The following CDIN1 variants were observed in gnomAD, a reference collection of about 807,000 sequenced individuals.
The protein encoded by CDIN1 is CDAN1 interacting nuclease 1.
A neutral mutation model predicts 45.3 loss-of-function variants in CDIN1; 33 were observed. The observed-to-expected ratio is 0.73, with a 90% CI of 0.55 to 0.97. The LOEUF (loss-of-function observed/expected upper bound fraction) is 0.97. Ranked by LOEUF, CDIN1 falls within the 50% of genes least tolerant of loss-of-function variation. The pLI is 0.00. For synonymous variants in CDIN1, 118 were observed against 124.4 expected, an observed-to-expected ratio of 0.95 and a Z score of 0.34; for missense variants, 303 against 339.4, an observed-to-expected ratio of 0.89 and a Z score of 0.84.
At chr15:36,741,255 A>G (rs2044227695) in intron 10 of CDIN1, among the ~76,000 whole-genome samples, 2 of 152,182 alleles carry the variant, frequency 1.3e-5, no homozygotes, top group African/African-American at 4.8e-5. Flanking sequence ...CAGCAGCATA[A>G]AAAGGAGAGG....
chr15:36,637,610 C>T (rs1468960610), intron 1 of CDIN1, among the ~76,000 whole-genome samples: 1 of 152,130 alleles, frequency 6.6e-6, no homozygotes, highest in Non-Finnish European at 1.5e-5. Flanking sequence ...GAATTCTTCT[C>T]CTGCATTTAT....
chr15:36,664,805 C>A (rs957638367), intron 5 of CDIN1, among the ~76,000 whole-genome samples: 3 of 152,236 alleles, frequency 2.0e-5, no homozygotes, highest in African/African-American at 7.2e-5. Context: ...CTTGGCCTCC[C>A]AAAGTGCTGG....
chr15:36,644,255 T>C (rs1422498044), intron 1 of CDIN1, 23 bp from the exon 2 acceptor site: 4 of 1,612,498 alleles, frequency 2.5e-6, no homozygotes, highest in African/African-American at 2.7e-5. Flanking sequence ...TAATTAACTT[T>C]GTCCTTCTTT....
At chr15:36,616,306 G>C (rs991670991) in intron 1 of CDIN1, among the ~76,000 whole-genome samples, 9 of 149,468 alleles carry the variant, frequency 6.0e-5, no homozygotes, top group Non-Finnish European at 1.3e-4. Context: ...TTTTGAGACA[G>C]ACTTTCGCTC....
At chr15:36,658,494 C>T (rs1472620631) in intron 5 of CDIN1, among the ~76,000 whole-genome samples, 3 of 152,068 alleles carry the variant, frequency 2.0e-5, no homozygotes, top group Non-Finnish European at 4.4e-5. Flanking sequence ...GAGTAATATT[C>T]AATGTGATAT....
chr15:36,776,575 T>C (rs77301180), intron 10 of CDIN1, among the ~76,000 whole-genome samples: 1 of 152,174 alleles, frequency 6.6e-6, no homozygotes, highest in East Asian at 1.9e-4. Context: ...ATAAAATTAT[T>C]CTTCGTGCTA....
intron 10 of CDIN1, among the ~76,000 whole-genome samples, chr15:36,780,921 A>G (rs1044474225): frequency 7.9e-5 from 12 of 152,196 alleles, no homozygotes. Flanking sequence ...TTCAATATTA[A>G]TTATACCTAT....
intron 1 of CDIN1, among the ~76,000 whole-genome samples, chr15:36,637,678 A>G (rs898149125): frequency 6.6e-6 from 1 of 152,220 alleles, no homozygotes; most frequent in African/African-American, 2.4e-5. Context: ...GTGAGTCCAC[A>G]GTAGTAATAT....
chr15:36,723,471 A>G (rs570024280), intron 10 of CDIN1, among the ~76,000 whole-genome samples: 46 of 152,316 alleles, frequency 3.0e-4, no homozygotes, highest in Admixed American at 2.3e-3. Flanking sequence ...ATATAAAGCC[A>G]TATTGAACTC....
intron 4 of CDIN1, among the ~76,000 whole-genome samples, chr15:36,654,526 A>AAC (rs1555389940): frequency 3.3e-5 from 5 of 151,742 alleles, no homozygotes; most frequent in African/African-American, 4.8e-5. Context: ...AAAAAAAAAA[A>AAC]AAAAAACTGC....
At chr15:36,672,401 G>C (rs964804644) in intron 5 of CDIN1, among the ~76,000 whole-genome samples, 1 of 151,914 alleles carries the variant, frequency 6.6e-6, no homozygotes, top group South Asian at 2.1e-4. Flanking sequence ...ACTATTACAG[G>C]CTCTTGGGAG....
chr15:36,657,758 G>A (rs1393765132), intron 4 of CDIN1, 75 bp from the exon 5 acceptor site: 1 of 1,153,744 alleles, frequency 8.7e-7, no homozygotes, highest in East Asian at 2.6e-5. Flanking sequence ...TTATTCTTCA[G>A]TGTTGACAAA....
At chr15:36,704,076 G>A (rs1045221846) in intron 8 of CDIN1, among the ~76,000 whole-genome samples, 8 of 152,160 alleles carry the variant, frequency 5.3e-5, no homozygotes, top group African/African-American at 1.7e-4. Context: ...GCATGATCTG[G>A]TATAAAATAT....
intron 10 of CDIN1, among the ~76,000 whole-genome samples, chr15:36,800,939 ATATATG>A: frequency 7.7e-6 from 1 of 129,834 alleles, no homozygotes; most frequent in African/African-American, 2.7e-5. Context: ...ATATATATAT[ATATATG>A]ATTCTCTGCT....
intron 10 of CDIN1, chr15:36,734,383 TACTTTA>T (rs1461163732): frequency 4.7e-6 from 2 of 422,394 alleles, no homozygotes; most frequent in Non-Finnish European, 9.2e-6. Flanking sequence ...CTTCCCTAGT[TACTTTA>T]ACTTTTATAA....
At chr15:36,719,544 G>C (rs542113676) in intron 10 of CDIN1, among the ~76,000 whole-genome samples, 72 of 152,188 alleles carry the variant, frequency 4.7e-4, no homozygotes, top group African/African-American at 1.5e-3. Context: ...ACGAATTTTT[G>C]CATCTATGTT....
At chr15:36,751,229 T>TTATATATATTTATATA (rs2053458039) in intron 10 of CDIN1, among the ~76,000 whole-genome samples, 1 of 97,612 alleles carries the variant, frequency 1.0e-5, no homozygotes, top group African/African-American at 4.3e-5. Flanking sequence ...TATGCTTATT[T>TTATATATATTTATATA]TATATATATA....
chr15:36,778,171 G>A (rs531179641), intron 10 of CDIN1, among the ~76,000 whole-genome samples: 7 of 152,238 alleles, frequency 4.6e-5, no homozygotes, highest in East Asian at 3.9e-4. Flanking sequence ...CTTTGTCACC[G>A]TCAGGTCTTT....
chr15:36,776,619 T>C (rs1438496728), intron 10 of CDIN1, among the ~76,000 whole-genome samples: 1 of 152,262 alleles, frequency 6.6e-6, no homozygotes, highest in Non-Finnish European at 1.5e-5. Context: ...ATATTGTTTC[T>C]GCAGTATGCT....
Sources: allele counts gnomAD v4.1 joint callset (sites outside exome capture counted in the v4.1 genomes callset), GRCh38; gene constraint gnomAD v4.1.1; transcripts MANE v1.5; gene names NCBI Gene and HGNC (gene_info 2026-07-23, HGNC 2026-07-21).